The following C8orf34 variants were observed in gnomAD, a reference collection of about 807,000 sequenced individuals.
C8orf34 encodes uncharacterized protein C8orf34.
C8orf34 carries 65 observed loss-of-function variants against 68.3 expected under a neutral mutation model. That is an observed-to-expected ratio of 0.95 (90% CI 0.78 to 1.17). C8orf34 has a LOEUF of 1.17. C8orf34 is among the 50% of genes most tolerant of loss of function. The probability of loss-of-function intolerance (pLI) is 0.00; values close to 1 mark genes in which losing one functional copy is unlikely to be tolerated. For synonymous variants in C8orf34, 244 were observed against 241.2 expected, an observed-to-expected ratio of 1.01 and a Z score of -0.11; for missense variants, 664 against 655.4, an observed-to-expected ratio of 1.01 and a Z score of -0.14.
At chr8:68,369,192 A>G (rs1335921361) in intron 1 of C8orf34, among the ~76,000 whole-genome samples, 1 of 152,164 alleles carries the variant, frequency 6.6e-6, no homozygotes, top group Non-Finnish European at 1.5e-5. Flanking sequence ...CATCCTTGAA[A>G]CCAATCTTCC....
At chr8:68,487,780 C>T (rs1470351024) in intron 4 of C8orf34, among the ~76,000 whole-genome samples, 1 of 152,196 alleles carries the variant, frequency 6.6e-6, no homozygotes, top group East Asian at 1.9e-4. Context: ...GAATATGGCG[C>T]TGCTTTGTTT....
intron 7 of C8orf34, among the ~76,000 whole-genome samples, chr8:68,541,209 T>C (rs1015850060): frequency 1.3e-5 from 2 of 152,084 alleles, no homozygotes; most frequent in African/African-American, 4.8e-5. Flanking sequence ...ACACCTGTAA[T>C]CCTAACACTT....
intron 7 of C8orf34, among the ~76,000 whole-genome samples, chr8:68,577,042 ACTC>A (rs899117495): frequency 7.9e-5 from 12 of 151,708 alleles, no homozygotes; most frequent in African/African-American, 2.4e-4. Flanking sequence ...CCACCTAACT[ACTC>A]CTCCTCAAAG....
intron 12 of C8orf34, among the ~76,000 whole-genome samples, chr8:68,802,067 T>C (rs1450794883): frequency 6.6e-6 from 1 of 152,160 alleles, no homozygotes; most frequent in East Asian, 1.9e-4. Flanking sequence ...ATATTTTCCA[T>C]ATTGTCAAAT....
At chr8:68,400,377 T>C (rs1468889646) in intron 1 of C8orf34, among the ~76,000 whole-genome samples, 1 of 152,100 alleles carries the variant, frequency 6.6e-6, no homozygotes, top group East Asian at 1.9e-4. Flanking sequence ...TTCATTCTTC[T>C]GCATGTGGCT....
At chr8:68,351,303 T>C (rs1806502989) in intron 1 of C8orf34, among the ~76,000 whole-genome samples, 1 of 152,100 alleles carries the variant, frequency 6.6e-6, no homozygotes, top group African/African-American at 2.4e-5. Flanking sequence ...TTATTCTGGC[T>C]TGTAGGGTTT....
At chr8:68,677,008 G>A (rs899825670) in intron 8 of C8orf34, among the ~76,000 whole-genome samples, 1 of 152,104 alleles carries the variant, frequency 6.6e-6, no homozygotes, top group African/African-American at 2.4e-5. Flanking sequence ...TTCCCACTGG[G>A]TCCCTCCCAC....
intron 7 of C8orf34, among the ~76,000 whole-genome samples, chr8:68,569,373 G>A (rs945433047): frequency 6.6e-6 from 1 of 152,172 alleles, no homozygotes; most frequent in Non-Finnish European, 1.5e-5. Context: ...AGAAGCAAAG[G>A]GGACCAAGAA....
chr8:68,758,691 C>T (rs1371898203), intron 10 of C8orf34, among the ~76,000 whole-genome samples: 1 of 151,244 alleles, frequency 6.6e-6, no homozygotes, highest in East Asian at 2.0e-4. Flanking sequence ...CTTTGCAGAA[C>T]TGCACTTCTT....
intron 8 of C8orf34, among the ~76,000 whole-genome samples, chr8:68,702,291 C>T (rs1240162884): frequency 6.6e-6 from 1 of 152,026 alleles, no homozygotes; most frequent in Non-Finnish European, 1.5e-5. Flanking sequence ...AAATACCCTC[C>T]TAGATTTTAC....
chr8:68,457,768 A>G lies in C8orf34; in HGVS notation c.608-10924A>G, dbSNP rs569216600. On this transcript the variant is annotated intron_variant, in intron 3 of 13. Transcript: ENST00000518698. ...AGTGAGCTCTGCGTCAGTGACCCCA[A>G]AGACTCTTCCTAATCTCAGATTCTG... 3.4e-4 allele frequency among the ~76,000 whole-genome samples: 51 copies of G among 152,178 alleles called. 1 individual carries two copies. The East Asian group carries it at 8.7e-3, about 26-fold the overall frequency.
intron 7 of C8orf34, among the ~76,000 whole-genome samples, chr8:68,639,580 T>C (rs1214732916): frequency 2.0e-5 from 3 of 152,182 alleles, no homozygotes; most frequent in Admixed American, 1.3e-4. Context: ...GTAAAAATTA[T>C]GATTTATCTT....
chr8:68,355,494 A>G (rs1167847926), intron 1 of C8orf34, among the ~76,000 whole-genome samples: 1 of 152,142 alleles, frequency 6.6e-6, no homozygotes. Context: ...CATTTGGTGG[A>G]CACCCAATAC....
chr8:68,413,982 C>G (rs926114413), intron 1 of C8orf34, among the ~76,000 whole-genome samples: 2 of 152,166 alleles, frequency 1.3e-5, no homozygotes, highest in African/African-American at 2.4e-5. Flanking sequence ...TCCCTGTGAG[C>G]ACTTTAACAA....
At chr8:68,547,365 G>A (rs1482285386) in intron 7 of C8orf34, among the ~76,000 whole-genome samples, 2 of 151,742 alleles carry the variant, frequency 1.3e-5, no homozygotes, top group African/African-American at 4.8e-5. Flanking sequence ...TCCCATGTAG[G>A]TTAAAGAAGT....
intron 8 of C8orf34, among the ~76,000 whole-genome samples, chr8:68,705,318 G>A (rs1821131539): frequency 6.6e-6 from 1 of 152,104 alleles, no homozygotes; most frequent in Admixed American, 6.6e-5. Flanking sequence ...GGGAAAAGGA[G>A]GGCCTTGGAT....
chr8:68,733,785 T>C (rs1357424078), intron 10 of C8orf34, among the ~76,000 whole-genome samples: 1 of 152,186 alleles, frequency 6.6e-6, no homozygotes, highest in African/African-American at 2.4e-5. Flanking sequence ...AGAATTGAAA[T>C]CTTAACTTCC....
intron 7 of C8orf34, chr8:68,625,709 G>A (rs933147054): frequency 1.5e-6 from 1 of 647,186 alleles, no homozygotes; most frequent in Admixed American, 2.3e-5. Flanking sequence ...GTGTGAGTTG[G>A]CAACTATGGC....
chr8:68,517,425 T>G (rs1409972743), intron 5 of C8orf34, among the ~76,000 whole-genome samples: 1 of 152,202 alleles, frequency 6.6e-6, no homozygotes, highest in Non-Finnish European at 1.5e-5. Context: ...TTTGTGAATT[T>G]AGAAAAATAT....
Sources: gnomAD v4.1 joint callset for allele counts (sites outside exome capture counted in the v4.1 genomes callset) on GRCh38, gnomAD v4.1.1 for gene constraint, MANE v1.5 for transcripts, NCBI Gene and HGNC (gene_info 2026-07-23, HGNC 2026-07-21) for gene names.